Variants in PTPRN2 observed in about 807,000 individuals in gnomAD.
PTPRN2 encodes receptor-type tyrosine-protein phosphatase N2.
PTPRN2 carries 74 observed loss-of-function variants against 118.8 expected under a neutral mutation model. The observed-to-expected ratio is 0.62, with a 90% CI of 0.52 to 0.76. The LOEUF is 0.76. Among genes scored for constraint, PTPRN2 ranks in the 30% least tolerant of loss-of-function variants. The pLI is 0.00. For synonymous variants in PTPRN2, 641 were observed against 608.0 expected (o/e 1.05, Z -0.80); for missense variants, 1,481 against 1,394.4 (o/e 1.06, Z -0.99).
chr7:158,209,964 G>A (rs1413273486), intron 3 of PTPRN2, among the ~76,000 whole-genome samples: 1 of 152,096 alleles, frequency 6.6e-6, no homozygotes, highest in East Asian at 1.9e-4. Flanking sequence ...GGTCAATGAG[G>A]AAATTAAGGA....
intron 12 of PTPRN2, among the ~76,000 whole-genome samples, chr7:157,791,571 C>CACCT (rs1271998794): frequency 3.4e-5 from 5 of 148,326 alleles, no homozygotes; most frequent in Non-Finnish European, 7.4e-5. Context: ...TCCCTGCACC[C>CACCT]GCCCCCCCTC....
intron 11 of PTPRN2, among the ~76,000 whole-genome samples, chr7:158,057,408 T>C (rs1184231097): frequency 6.6e-6 from 1 of 152,152 alleles, no homozygotes; most frequent in Non-Finnish European, 1.5e-5. Context: ...CCAATGATGA[T>C]GGTCTCTTTT....
chr7:158,256,406 C>T (rs989450995), intron 3 of PTPRN2, among the ~76,000 whole-genome samples: 2 of 152,204 alleles, frequency 1.3e-5, no homozygotes, highest in Non-Finnish European at 2.9e-5. Flanking sequence ...GGAGCAAGGT[C>T]ACCAGCCAGT....
Position 157,719,323 on chromosome 7 carries a change from G to A in PTPRN2, c.1789-36386C>T, listed in dbSNP as rs556525551. ...ACCCATTAAAGGGGGAGCGGAGATC[G>A]TGCTTCCCAAGGGACCCTGAGGCCT... On this transcript the variant is annotated intron_variant, in intron 12 of 22. Transcript: ENST00000389418. Among the ~76,000 whole-genome samples, 224 of 152,328 alleles carry A rather than the reference G, an allele frequency of 1.5e-3. 3 individuals are homozygous for A. Among genetic ancestry groups the A allele is most frequent in the South Asian group, 0.01 (49 of 4,826 alleles).
At chr7:158,442,378 G>A (rs561577193) in intron 2 of PTPRN2, among the ~76,000 whole-genome samples, 1 of 152,234 alleles carries the variant, frequency 6.6e-6, no homozygotes, top group South Asian at 2.1e-4. Flanking sequence ...AAAGTGACCA[G>A]TTACCTATTC....
intron 12 of PTPRN2, among the ~76,000 whole-genome samples, chr7:157,809,017 C>T (rs111903548): frequency 6.6e-6 from 1 of 152,004 alleles, no homozygotes; most frequent in Non-Finnish European, 1.5e-5. Context: ...CCGAAGTGTG[C>T]TGTGTCACTT....
rs1053010531 is a variant in PTPRN2, at chr7:157,590,907, A to C, written c.2496+4331T>G. Among the ~76,000 whole-genome samples the C allele has an allele frequency of 1.4e-4, 22 of 152,170 alleles. No homozygotes were observed. The highest frequency in any genetic ancestry group is 5.3e-4 in the African/African-American group (22 of 41,438). On this transcript the variant is annotated intron_variant, in intron 17 of 22. Coordinates refer to ENST00000389418, the MANE Select transcript of PTPRN2 (RefSeq NM_002847.5). This position sits in a 1 kb window ranked among gnomAD's most constrained non-coding sequence, Gnocchi z 4.0. ...TCACCATGTCATGTGGGTGCCAATT[A>C]GCTGCTTGGAAAAGGTCTTTTTTCT...
intron 11 of PTPRN2, among the ~76,000 whole-genome samples, chr7:158,025,399 C>T (rs1807191180): frequency 6.6e-6 from 1 of 152,142 alleles, no homozygotes; most frequent in Non-Finnish European, 1.5e-5. Flanking sequence ...TACTGACATC[C>T]CCAAGTCTCT....
chr7:157,677,344 T>C (rs1176161377), intron 13 of PTPRN2, among the ~76,000 whole-genome samples: 1 of 152,188 alleles, frequency 6.6e-6, no homozygotes, highest in African/African-American at 2.4e-5. Flanking sequence ...TAATGACTAC[T>C]GTCTGATGGG....
chr7:157,571,788 C>T (rs1428509805), intron 19 of PTPRN2, among the ~76,000 whole-genome samples: 1 of 152,230 alleles, frequency 6.6e-6, no homozygotes, highest in Non-Finnish European at 1.5e-5. Context: ...GCCCGTCCCA[C>T]CCCTGCAGGC....
At chr7:158,301,875 A>C (rs1800915501) in intron 3 of PTPRN2, among the ~76,000 whole-genome samples, 1 of 152,146 alleles carries the variant, frequency 6.6e-6, no homozygotes, top group South Asian at 2.1e-4. Context: ...ACTTGAGTCC[A>C]GGAGGCAGAG....
intron 12 of PTPRN2, chr7:157,738,935 C>G (rs1334731854): frequency 6.6e-6 from 1 of 152,140 alleles, no homozygotes; most frequent in Non-Finnish European, 1.5e-5. Context: ...GGGGTGCAGC[C>G]CAGGAGACAG....
At chr7:158,302,752 C>T (rs1800987861) in intron 3 of PTPRN2, among the ~76,000 whole-genome samples, 1 of 152,240 alleles carries the variant, frequency 6.6e-6, no homozygotes, top group Non-Finnish European at 1.5e-5. Context: ...AGAGCACAGC[C>T]TGCAACTGTA....
intron 11 of PTPRN2, among the ~76,000 whole-genome samples, chr7:158,069,232 A>C (rs574570128): frequency 9.6e-4 from 146 of 152,284 alleles, no homozygotes; most frequent in Non-Finnish European, 1.9e-3. Flanking sequence ...TCTATCACCC[A>C]AGCTCAGGGG....
At chr7:158,149,759 G>T (rs916585947) in intron 6 of PTPRN2, among the ~76,000 whole-genome samples, 16 of 150,450 alleles carry the variant, frequency 1.1e-4, no homozygotes, top group South Asian at 4.2e-4. Context: ...AGCTGAGATT[G>T]TGCCATTGCA....
chr7:158,425,051 C>T (rs1465700512), intron 2 of PTPRN2, among the ~76,000 whole-genome samples: 1 of 152,222 alleles, frequency 6.6e-6, no homozygotes, highest in Non-Finnish European at 1.5e-5. Context: ...GGGGACCCTC[C>T]TTCATGTGGC....
intron 2 of PTPRN2, among the ~76,000 whole-genome samples, chr7:158,327,682 C>T (rs1399827937): frequency 6.6e-6 from 1 of 152,244 alleles, no homozygotes; most frequent in Non-Finnish European, 1.5e-5. Context: ...CTAGGTCACC[C>T]TTTCATTCTT....
intron 5 of PTPRN2, among the ~76,000 whole-genome samples, chr7:158,188,187 G>GCCACGCCCACCCCCTGT (rs1194648845): frequency 3.1e-5 from 2 of 64,054 alleles, no homozygotes; most frequent in Non-Finnish European, 3.8e-5. Context: ...CTCGCCCCGC[G>GCCACGCCCACCCCCTGT]ATGGGGAAGG....
chr7:157,772,752 T>C (rs1313098328), intron 12 of PTPRN2, among the ~76,000 whole-genome samples: 1 of 152,220 alleles, frequency 6.6e-6, no homozygotes, highest in Non-Finnish European at 1.5e-5. Context: ...TGGGAGAACA[T>C]CTTTTTGAAC....
Sources: allele counts gnomAD v4.1 joint callset (sites outside exome capture counted in the v4.1 genomes callset), GRCh38; gene constraint gnomAD v4.1.1; non-coding constraint Gnocchi (gnomAD v3.1); transcripts MANE v1.5; gene names NCBI Gene and HGNC (gene_info 2026-07-23, HGNC 2026-07-21).